The following IL17RC variants were observed in gnomAD, a reference collection of about 807,000 sequenced individuals.
IL17RC encodes the protein interleukin-17 receptor C.
IL17RC carries 53 observed loss-of-function variants against 86.7 expected under a neutral mutation model. That is an observed-to-expected ratio of 0.61 (90% CI 0.49 to 0.77). The LOEUF is 0.77. Among genes scored for constraint, IL17RC ranks in the 30% least tolerant of loss-of-function variants. IL17RC has a pLI of 0.00. For synonymous variants in IL17RC, 439 were observed against 413.1 expected (o/e 1.06, Z -0.76); for missense variants, 957 against 940.0 (o/e 1.02, Z -0.24).
intron 9 of IL17RC, among the ~76,000 whole-genome samples, chr3:9,926,951 A>G (rs948751336): frequency 6.6e-6 from 1 of 152,166 alleles, no homozygotes; most frequent in Admixed American, 6.6e-5. Flanking sequence ...TAACAGTATG[A>G]GGTCCTCACT....
At chr3:9,931,392 T>G (rs2125287522) in intron 16 of IL17RC, among the ~76,000 whole-genome samples, 1 of 150,884 alleles carries the variant, frequency 6.6e-6, no homozygotes, top group Non-Finnish European at 1.5e-5. Context: ...GCAGGAGACA[T>G]GTAGGGGATT....
Position 9,928,365 on chromosome 3 carries a change from G to C in IL17RC, c.938G>C (p.Ser313Thr), listed in dbSNP as rs202092337. ...AARLQLLTLQ[S>T]WLLDAPCSLP... is the part of the protein sequence containing the mutation. ...CGACTGCAACTGCTGACCCTGCAGA[G>C]CTGGCTGCTGGACGCACCGTGCTCG... is the stretch of plus-strand genomic sequence containing the variant. Residue 313 changes from serine to threonine, a missense_variant, in exon 11 of 19, where the codon AGC (serine) becomes ACC (threonine). Ser to Thr is a moderately conservative substitution (Grantham distance 58). Transcript: ENST00000403601. 4.4e-6 allele frequency: 7 copies of C among 1,605,658 alleles called. No individual in the cohort carries two copies. The African/African-American group carries it at 9.4e-5, about 21-fold the overall frequency.
At chr3:9,929,587 G>T (rs2084459506) in intron 12 of IL17RC, 1 of 524,988 alleles carries the variant, frequency 1.9e-6, no homozygotes, top group Non-Finnish European at 3.4e-6. Flanking sequence ...CTTTGAGAAG[G>T]TTAGATGAGA....
chr3:9,921,679 C>T lies in IL17RC; in HGVS notation c.622+710C>T, dbSNP rs1162636810. Among the ~76,000 whole-genome samples, 4 of 145,904 alleles carry T rather than the reference C, an allele frequency of 2.7e-5. No individual in the cohort carries two copies. In the East Asian group the frequency reaches 8.3e-4, roughly 30 times the overall value. On this transcript the variant is annotated intron_variant, in intron 7 of 18. Transcript: ENST00000403601. ...TCGCTCTGTCGCTCAGGCTGGAGTGCAGTGGTGCAATCTCGGCTCACTGCA... is the reference window on the plus strand; with the variant it reads ...TCGCTCTGTCGCTCAGGCTGGAGTGTAGTGGTGCAATCTCGGCTCACTGCA...
Position 9,917,955 on chromosome 3 carries a change from G to A in IL17RC, c.160G>A (p.Val54Met), listed in dbSNP as rs750484094. ...SDILCLPGDI[V>M]PAPGPVLAPT... ...CATACTCTGCCTGCCTGGGGACATC[G>A]TGCCTGCTCCGGGCCCCGTGCTGGC... Residue 54 changes from valine (V) to methionine (M), a missense_variant, in exon 3 of 19, where the codon GTG (valine) becomes ATG (methionine). Val to Met is a conservative substitution (Grantham distance 21). Transcript: ENST00000403601. The A allele has an allele frequency of 1.4e-5, 22 of 1,613,452 alleles. No individual in the cohort carries two copies. The highest frequency in any genetic ancestry group is 1.6e-4 in the Middle Eastern group (1 of 6,084).
Position 9,918,407 on chromosome 3 carries a change from A to C in IL17RC, c.353A>C (p.Asn118Thr). Residue 118 changes from asparagine (N) to threonine (T), a missense_variant and splice_region_variant, in exon 4 of 19, where the codon AAT (asparagine) becomes ACT (threonine). Asn to Thr is a moderately conservative substitution (Grantham distance 65, BLOSUM62 0). Transcript: ENST00000403601. The part of the protein sequence containing the change: ...AADSGVEEPR[N>T]ASLQAQVVLS... Reference sequence around the variant, plus strand: ...GACTCAGGGGTGGAGGAGCCTAGGAATGGTGAGGAGAACCTGGCTGGCCCA... The same window carrying C: ...GACTCAGGGGTGGAGGAGCCTAGGACTGGTGAGGAGAACCTGGCTGGCCCA... The C allele has an allele frequency of 6.2e-7, 1 of 1,612,714 alleles. No individual in the cohort carries two copies. The highest frequency in any genetic ancestry group is 8.5e-7 in the Non-Finnish European group (1 of 1,179,278).
intron 7 of IL17RC, among the ~76,000 whole-genome samples, chr3:9,921,952 CT>C (rs35608782): frequency 0.024 from 2,140 of 88,170 alleles, 45 homozygotes; most frequent in African/African-American, 0.083. Flanking sequence ...ATGTCCAGTT[CT>C]TTTTTTTTTT....
rs1168913666 is a variant in IL17RC at position 9,927,625 on chromosome 3, C to G, written c.823-541C>G. On this transcript the variant is annotated intron_variant, in intron 9 of 18. Coordinates refer to ENST00000403601, the MANE Select transcript of IL17RC (RefSeq NM_153460.4). ...TTGTGCTTGCCATACTGCTAAGACA[C>G]AATGGTAGGCACTCATTAAAAGTCT... is the stretch of plus-strand genomic sequence containing the variant. Among the ~76,000 whole-genome samples, 6 of 151,824 alleles carry G rather than the reference C, an allele frequency of 4.0e-5. No homozygotes were observed. In the South Asian group the frequency reaches 1.2e-3, roughly 32 times the overall value.
At chr3:9,931,470 C>CACACACACACATATATATATATAT (rs750351615) in intron 16 of IL17RC, among the ~76,000 whole-genome samples, 2 of 43,736 alleles carry the variant, frequency 4.6e-5, no homozygotes, top group Non-Finnish European at 1.3e-4. Context: ...CACACACACA[C>CACACACACACATATATATATATAT]ATATATATAT....
At chr3:9,922,436 C>T (rs1384060171) in intron 7 of IL17RC, among the ~76,000 whole-genome samples, 1 of 152,160 alleles carries the variant, frequency 6.6e-6, no homozygotes, top group African/African-American at 2.4e-5. Context: ...CTATTCAACA[C>T]CAGAGTTTTG....
chr3:9,919,994 C>T (rs2083412044), intron 5 of IL17RC, among the ~76,000 whole-genome samples: 1 of 152,090 alleles, frequency 6.6e-6, no homozygotes, highest in Admixed American at 6.6e-5. Context: ...CCTGGAAGGT[C>T]TATTTCCACT....
Position 9,917,308 on chromosome 3 carries a change from C to G in IL17RC, c.-8C>G. The stretch of plus-strand genomic sequence containing the variant: ...CCTCAGGCCTGGGTGCCACCTGGCA[C>G]CTAGAAGATGCCTGTGCCCTGGTTC... On this transcript the variant is annotated 5_prime_UTR_variant, in exon 1 of 19. Coordinates refer to ENST00000403601, the MANE Select transcript of IL17RC (RefSeq NM_153460.4). 1 of 1,609,588 alleles carries G rather than the reference C, an allele frequency of 6.2e-7. No homozygotes were observed. The highest frequency in any genetic ancestry group is 8.5e-7 in the Non-Finnish European group (1 of 1,177,106).
intron 7 of IL17RC, among the ~76,000 whole-genome samples, chr3:9,922,795 G>T (rs2083690390): frequency 6.6e-6 from 1 of 152,148 alleles, no homozygotes; most frequent in Non-Finnish European, 1.5e-5. Context: ...CCTGAAAGAG[G>T]TGAGGGAGGA....
At chr3:9,919,469 C>T (rs780848435) in intron 5 of IL17RC, among the ~76,000 whole-genome samples, 1 of 151,744 alleles carries the variant, frequency 6.6e-6, no homozygotes, top group Non-Finnish European at 1.5e-5. Flanking sequence ...ACTGTGAAAC[C>T]CTGCCTCCAC....
chr3:9,928,210 C>CT lies in IL17RC; in HGVS notation c.869dup (p.Arg291GlnfsTer76). On this transcript the variant is annotated frameshift_variant, in exon 10 of 19. Coordinates refer to ENST00000403601, the MANE Select transcript of IL17RC (RefSeq NM_153460.4). LOFTEE classifies it high-confidence loss of function. ...ACTCCGTTAGGACGAACATCTGCCC[C>CT]TTCAGGGAGGGTGAGCCGACCGGCC... 1 of 1,613,308 alleles carries CT rather than the reference C, an allele frequency of 6.2e-7. No homozygotes were observed. The highest frequency in any genetic ancestry group is 8.5e-7 in the Non-Finnish European group (1 of 1,179,958).
At chr3:9,927,756 T>C (rs1432475904) in intron 9 of IL17RC, among the ~76,000 whole-genome samples, 1 of 151,972 alleles carries the variant, frequency 6.6e-6, no homozygotes, top group Non-Finnish European at 1.5e-5. Flanking sequence ...GCCTGATCAA[T>C]GTGGTGAAAC....
At chr3:9,931,470 CATATATATATAT>C (rs1553593529) in intron 16 of IL17RC, among the ~76,000 whole-genome samples, 24 of 43,752 alleles carry the variant, frequency 5.5e-4, no homozygotes, top group South Asian at 2.7e-3. Context: ...CACACACACA[CATATATATATAT>C]ATATATATAT....
chr3:9,922,247 G>A (rs922037161), intron 7 of IL17RC, among the ~76,000 whole-genome samples: 8 of 152,096 alleles, frequency 5.3e-5, no homozygotes, highest in East Asian at 1.9e-4. Flanking sequence ...CGCCACGTCC[G>A]GCCAATTTGT....
chr3:9,928,743 T>A, intron 12 of IL17RC, 113 bp downstream of exon 12: 1 of 1,112,294 alleles, frequency 9.0e-7, no homozygotes, highest in Non-Finnish European at 1.3e-6. Context: ...GCTTCCTCTA[T>A]GGGAGTTCCA....
Sources: allele counts gnomAD v4.1 joint callset (sites outside exome capture counted in the v4.1 genomes callset), GRCh38; gene constraint gnomAD v4.1.1; transcripts MANE v1.5; gene names NCBI Gene and HGNC (gene_info 2026-07-23, HGNC 2026-07-21).